Variants in SSBP2 observed in about 807,000 individuals in gnomAD.
The protein encoded by SSBP2 is single stranded DNA binding protein 2.
A neutral mutation model predicts 61.8 loss-of-function variants in SSBP2; 17 were observed. The observed-to-expected ratio is 0.28, with a 90% CI of 0.19 to 0.41. The LOEUF is 0.41. Among genes scored for constraint, SSBP2 ranks in the 10% least tolerant of loss-of-function variants. The pLI, the probability that SSBP2 is intolerant of heterozygous loss-of-function variation, is 1.00. For missense variants in SSBP2, 310 were observed against 458.7 expected (o/e 0.68, Z 2.96); for synonymous variants, 139 against 141.3 (o/e 0.98, Z 0.12).
intron 1 of SSBP2, among the ~76,000 whole-genome samples, chr5:81,655,863 T>C (rs1750163058): frequency 1.3e-5 from 2 of 152,220 alleles, no homozygotes; most frequent in South Asian, 4.1e-4. Flanking sequence ...GTTCTGACAG[T>C]CAAATATTCC....
At chr5:81,630,991 T>C (rs960439621) in intron 3 of SSBP2, among the ~76,000 whole-genome samples, 2 of 152,120 alleles carry the variant, frequency 1.3e-5, no homozygotes, top group Admixed American at 1.3e-4. Flanking sequence ...TAGACTTCAC[T>C]GGAAACACAC....
At chr5:81,559,239 C>T (rs6884862) in intron 4 of SSBP2, among the ~76,000 whole-genome samples, 70,337 of 151,908 alleles carry the variant, frequency 0.46, 20,927 homozygotes, top group African/African-American at 0.85. Flanking sequence ...TACAAAAAAT[C>T]AGCCGGGCGT....
At chr5:81,514,670 C>T (rs760566247) in intron 4 of SSBP2, among the ~76,000 whole-genome samples, 5 of 151,970 alleles carry the variant, frequency 3.3e-5, no homozygotes, top group South Asian at 4.1e-4. Context: ...GTATCTGTTG[C>T]GCTATCTTCA....
intron 1 of SSBP2, among the ~76,000 whole-genome samples, chr5:81,675,466 ACCATT>A (rs1751891977): frequency 6.6e-6 from 1 of 152,164 alleles, no homozygotes; most frequent in Non-Finnish European, 1.5e-5. Context: ...ACAAGAATAT[ACCATT>A]TTAGGGATGC....
intron 1 of SSBP2, among the ~76,000 whole-genome samples, chr5:81,712,781 G>A (rs775915626): frequency 8.7e-5 from 13 of 148,924 alleles, no homozygotes; most frequent in Admixed American, 1.3e-4. Flanking sequence ...AACCCAGACC[G>A]GAGTGCAGTG....
chr5:81,577,871 T>C (rs536245064), intron 4 of SSBP2, among the ~76,000 whole-genome samples: 1 of 152,052 alleles, frequency 6.6e-6, no homozygotes, highest in African/African-American at 2.4e-5. Flanking sequence ...ATAGCAATAG[T>C]AGACATAGCG....
intron 9 of SSBP2, among the ~76,000 whole-genome samples, 172 bp from the exon 10 acceptor site, chr5:81,461,275 C>T (rs551816566): frequency 6.6e-6 from 1 of 151,914 alleles, no homozygotes; most frequent in South Asian, 2.1e-4. Flanking sequence ...TTAATTAAGT[C>T]CCCCAAAAGA....
chr5:81,724,094 T>C (rs1332328615), intron 1 of SSBP2, among the ~76,000 whole-genome samples: 1 of 151,690 alleles, frequency 6.6e-6, no homozygotes, highest in Non-Finnish European at 1.5e-5. Context: ...CATAATACTA[T>C]GAAAGCACAC....
chr5:81,504,466 C>T (rs927871210), intron 5 of SSBP2, among the ~76,000 whole-genome samples: 24 of 152,326 alleles, frequency 1.6e-4, no homozygotes, highest in African/African-American at 5.5e-4. Context: ...GACTATCTTA[C>T]TGTCCCTAAA....
chr5:81,471,009 A>G (rs1037249328), intron 8 of SSBP2, among the ~76,000 whole-genome samples: 1 of 151,888 alleles, frequency 6.6e-6, no homozygotes, highest in Non-Finnish European at 1.5e-5. Context: ...TCATTTAAAC[A>G]TATGATATGT....
chr5:81,531,307 C>A (rs1236616130), intron 4 of SSBP2, among the ~76,000 whole-genome samples: 2 of 148,766 alleles, frequency 1.3e-5, no homozygotes, highest in African/African-American at 4.9e-5. Flanking sequence ...ATACACTGAT[C>A]AAAAATTTTT....
chr5:81,466,887 C>T (rs1200833081), intron 9 of SSBP2, 87 bp downstream of exon 9: 4 of 796,142 alleles, frequency 5.0e-6, no homozygotes, highest in Non-Finnish European at 7.3e-6. Context: ...AAATAGAACA[C>T]TTTACTAAAT....
intron 4 of SSBP2, among the ~76,000 whole-genome samples, chr5:81,516,247 T>A (rs1051520359): frequency 7.2e-5 from 11 of 152,072 alleles, no homozygotes; most frequent in African/African-American, 2.4e-4. Context: ...ACCACATTTT[T>A]ACAGTTTGTA....
rs1034415527 is a variant in SSBP2, at chr5:81,695,603, G to A, written c.63-45264C>T. 1.2e-4 allele frequency among the ~76,000 whole-genome samples: 18 copies of A among 148,486 alleles called. 1 individual carries two copies. Among genetic ancestry groups the A allele is most frequent in the Non-Finnish European group, 5.9e-5 (4 of 67,568 alleles). On this transcript the variant is annotated intron_variant, in intron 1 of 16. Transcript: ENST00000320672. ...CTATGAATGAGAACATGCGGTATTT[G>A]GTTTTCTGTCCTCAAGGGTGACTTT...
chr5:81,566,401 T>C (rs114179579), intron 4 of SSBP2, among the ~76,000 whole-genome samples: 9,166 of 152,126 alleles, frequency 0.06, 380 homozygotes, highest in Middle Eastern at 0.095. Context: ...GACCTGACAG[T>C]TTTATCAGGG....
chr5:81,421,875 T>C (rs904289039), intron 16 of SSBP2, among the ~76,000 whole-genome samples: 3 of 152,170 alleles, frequency 2.0e-5, no homozygotes, highest in Admixed American at 6.5e-5. Flanking sequence ...TTATTTAATT[T>C]TAATTTATTC....
intron 15 of SSBP2, among the ~76,000 whole-genome samples, chr5:81,433,683 T>C (rs1275997782): frequency 1.3e-5 from 2 of 152,206 alleles, no homozygotes. Context: ...GTTTCATTGA[T>C]TAAATGGGTG....
At chr5:81,549,335 T>A (rs1302783069) in intron 4 of SSBP2, among the ~76,000 whole-genome samples, 1 of 152,184 alleles carries the variant, frequency 6.6e-6, no homozygotes, top group Non-Finnish European at 1.5e-5. Flanking sequence ...ATATTGCTGC[T>A]GTGATCACGT....
intron 1 of SSBP2, among the ~76,000 whole-genome samples, chr5:81,689,553 G>A (rs78043201): frequency 0.023 from 3,531 of 150,706 alleles, 145 homozygotes; most frequent in African/African-American, 0.081. Flanking sequence ...GGCCAGGAGA[G>A]AGTACCTAAA....
Sources: allele counts gnomAD v4.1 joint callset (sites outside exome capture counted in the v4.1 genomes callset), GRCh38; gene constraint gnomAD v4.1.1; transcripts MANE v1.5; gene names NCBI Gene and HGNC (gene_info 2026-07-23, HGNC 2026-07-21).